ANKS1A: variants seen among roughly 807,000 people sequenced by gnomAD.
ANKS1A encodes ankyrin repeat and SAM domain-containing protein 1A.
ANKS1A carries 55 observed loss-of-function variants against 120.3 expected under a neutral mutation model. The ratio of observed to expected loss-of-function variants is 0.46; its 90% CI spans 0.37 to 0.57. The LOEUF is 0.57. ANKS1A is among the 20% of genes least tolerant of loss of function. The pLI is 0.00. For missense variants in ANKS1A, 1,123 were observed against 1,480.3 expected (o/e 0.76, Z 3.96); for synonymous variants, 590 against 604.7 (o/e 0.98, Z 0.36).
Position 35,090,399 on chromosome 6 carries a change from G to A in ANKS1A, c.*1790G>A, listed in dbSNP as rs953776645. Reference sequence around the variant, plus strand: ...GGCCACATCCAAGTGGGCCTCTGTCGGGGGCGGGGCGGTAGGTCCGAAAGA... The same window carrying A: ...GGCCACATCCAAGTGGGCCTCTGTCAGGGGCGGGGCGGTAGGTCCGAAAGA... On this transcript the variant is annotated 3_prime_UTR_variant, in exon 24 of 24. Transcript: ENST00000360359. 2.1e-5 allele frequency: 25 copies of A among 1,199,380 alleles called. No individual in the cohort carries two copies. Among genetic ancestry groups the A allele is most frequent in the Non-Finnish European group, 2.6e-5 (25 of 952,570 alleles). The allele number at this position is 1,199,380 out of a possible 1,614,324, so 74.3% of individuals were successfully genotyped here. A position where few individuals can be genotyped will look rare whatever the true frequency, so the allele number is the denominator to read the frequency against.
intron 11 of ANKS1A, among the ~76,000 whole-genome samples, chr6:35,032,754 A>G (rs1011928568): frequency 2.6e-5 from 4 of 152,098 alleles, no homozygotes; most frequent in African/African-American, 7.2e-5. Flanking sequence ...TTCTTTCTCT[A>G]ATAATAAGGT....
intron 12 of ANKS1A, among the ~76,000 whole-genome samples, chr6:35,056,069 C>G (rs1406334021): frequency 1.3e-5 from 2 of 152,210 alleles, no homozygotes; most frequent in African/African-American, 2.4e-5. Context: ...AGGATGGTTT[C>G]TGCTTTCTGT....
In ANKS1A at chr6:34,889,571, T is replaced by G. The variant is rs756174660; in HGVS notation, c.169T>G (p.Ser57Ala). 1.6e-6 allele frequency: 2 copies of G among 1,289,462 alleles called. No individual in the cohort carries two copies. Among genetic ancestry groups the G allele is most frequent in the Admixed American group, 7.0e-5 (2 of 28,396 alleles). The allele number at this position is 1,289,462 out of a possible 1,614,324, so 79.9% of individuals were successfully genotyped here. The change falls in exon 1 of 24, where the codon TCC becomes GCC. Residue 57 changes from serine (S) to alanine (A), a missense_variant. By Grantham distance (99) the Ser-to-Ala change is moderately conservative. Coordinates refer to ENST00000360359, the MANE Select transcript of ANKS1A (RefSeq NM_015245.3). The surrounding 1 kb of genome is among the most constrained non-coding windows in gnomAD (Gnocchi z 5.5). ...SGGGGGGLGS[S>A]SHPLSSLLSM... ...CGGCGGCGGCGGCGGCCTCGGCTCT[T>G]CCAGCCACCCCCTCTCCAGTCTGCT...
chr6:35,080,182 C>T (rs1399808692), intron 16 of ANKS1A, among the ~76,000 whole-genome samples: 2 of 152,114 alleles, frequency 1.3e-5, no homozygotes, highest in Non-Finnish European at 2.9e-5. Context: ...TTGAACTCAG[C>T]TCTGTGCCTG....
chr6:35,018,210 A>C, intron 11 of ANKS1A, 151 bp downstream of exon 11: 2 of 790,980 alleles, frequency 2.5e-6, no homozygotes, highest in Non-Finnish European at 2.0e-6. Flanking sequence ...TGACAATCGT[A>C]AGAAGAGGCG....
At chr6:34,905,239 A>G (rs570105047) in intron 1 of ANKS1A, among the ~76,000 whole-genome samples, 24 of 152,328 alleles carry the variant, frequency 1.6e-4, no homozygotes, top group Admixed American at 1.3e-3. Context: ...TTACCACATC[A>G]TGCTCACCAC....
At chr6:34,925,160 GT>G (rs1031194040) in intron 1 of ANKS1A, among the ~76,000 whole-genome samples, 4 of 152,040 alleles carry the variant, frequency 2.6e-5, no homozygotes, top group African/African-American at 9.7e-5. Context: ...TTAACATCTT[GT>G]TTTTTTAGGT....
At chr6:34,912,116 G>A (rs889561868) in intron 1 of ANKS1A, among the ~76,000 whole-genome samples, 6 of 152,188 alleles carry the variant, frequency 3.9e-5, no homozygotes, top group African/African-American at 9.7e-5. Context: ...GAAATCAAAC[G>A]CTCATAATCT....
intron 1 of ANKS1A, among the ~76,000 whole-genome samples, chr6:34,908,817 G>A (rs1767765656): frequency 6.6e-6 from 1 of 152,008 alleles, no homozygotes; most frequent in Non-Finnish European, 1.5e-5. Context: ...ATGCAGACAT[G>A]CTTTTTGACT....
intron 3 of ANKS1A, among the ~76,000 whole-genome samples, chr6:34,977,766 T>C (rs1265929353): frequency 6.6e-6 from 1 of 152,138 alleles, no homozygotes; most frequent in Admixed American, 6.6e-5. Flanking sequence ...AGACCTAGTT[T>C]TTCCTTTCTT....
rs77749012 is a variant in ANKS1A at position 35,080,006 on chromosome 6, C to T, written c.2544+78C>T. On this transcript the variant is annotated intron_variant, in intron 16 of 23. Transcript: ENST00000360359. The stretch of plus-strand genomic sequence containing the variant: ...GAATTACATAGAATTCTTTAGGATT[C>T]TTCAGAGACCACTGTAGTGTAGGAG... 2,409 of 1,460,660 alleles carry T rather than the reference C, an allele frequency of 1.6e-3. 1 individual carries two copies. The highest frequency in any genetic ancestry group is 2.0e-3 in the Non-Finnish European group (2,093 of 1,066,732). The allele number at this position is 1,460,660 out of a possible 1,614,324, so 90.5% of individuals were successfully genotyped here. A position where few individuals can be genotyped will look rare whatever the true frequency, so the allele number is the denominator to read the frequency against.
chr6:34,967,522 CA>C (rs10559753), intron 2 of ANKS1A, among the ~76,000 whole-genome samples: 11,983 of 96,618 alleles, frequency 0.12, 1,086 homozygotes, highest in African/African-American at 0.26. Flanking sequence ...TCCATCTCCA[CA>C]AAAAAAAAAA....
intron 11 of ANKS1A, among the ~76,000 whole-genome samples, chr6:35,043,424 C>G (rs1775561952): frequency 6.6e-6 from 1 of 152,202 alleles, no homozygotes; most frequent in South Asian, 2.1e-4. Context: ...GGTGGTTTAC[C>G]AGCCTGCAGG....
chr6:34,991,655 TATAC>T (rs1488921288), intron 9 of ANKS1A, among the ~76,000 whole-genome samples: 3 of 114,960 alleles, frequency 2.6e-5, no homozygotes, highest in African/African-American at 7.9e-5. Flanking sequence ...CACACATATA[TATAC>T]ACATATATAT....
In ANKS1A at chr6:34,889,646, C is replaced by T; in HGVS notation, c.197+47C>T. On this transcript the variant is annotated intron_variant, in intron 1 of 23. Transcript: ENST00000360359. The surrounding 1 kb of genome is among the most constrained non-coding windows in gnomAD (Gnocchi z 5.5). ...GCCGCTGCCTGCAGACCCTTTCTCC[C>T]CCACCCGTCTCTTGGGTCCCCAGAG... is the stretch of plus-strand genomic sequence containing the variant. 7.9e-7 allele frequency: 1 copy of T among 1,262,296 alleles called. No homozygotes were observed. The highest frequency in any genetic ancestry group is 9.9e-7 in the Non-Finnish European group (1 of 1,005,226). The allele number at this position is 1,262,296 out of a possible 1,614,324, so 78.2% of individuals were successfully genotyped here.
At chr6:34,937,654 G>T (rs533057310) in intron 1 of ANKS1A, among the ~76,000 whole-genome samples, 1 of 152,162 alleles carries the variant, frequency 6.6e-6, no homozygotes, top group East Asian at 1.9e-4. Flanking sequence ...GAATCAATGG[G>T]GTATAAAGGA....
intron 1 of ANKS1A, among the ~76,000 whole-genome samples, chr6:34,910,285 G>A (rs959740601): frequency 7.9e-5 from 12 of 152,172 alleles, no homozygotes; most frequent in African/African-American, 2.4e-4. Context: ...TATTACAGGC[G>A]GGTCACAGTG....
At chr6:35,068,869 GA>G (rs761392614) in intron 13 of ANKS1A, among the ~76,000 whole-genome samples, 70 of 152,340 alleles carry the variant, frequency 4.6e-4, no homozygotes, top group Non-Finnish European at 7.8e-4. Flanking sequence ...AAGGAGGGTG[GA>G]GGGGGCTGCC....
At chr6:34,899,727 T>C (rs905385106) in intron 1 of ANKS1A, among the ~76,000 whole-genome samples, 5 of 152,252 alleles carry the variant, frequency 3.3e-5, no homozygotes, top group African/African-American at 1.2e-4. Context: ...TTTAACTCTT[T>C]GCTGTACCTG....
Sources: allele counts gnomAD v4.1 joint callset (sites outside exome capture counted in the v4.1 genomes callset), GRCh38; gene constraint gnomAD v4.1.1; non-coding constraint Gnocchi (gnomAD v3.1); transcripts MANE v1.5; gene names NCBI Gene and HGNC (gene_info 2026-07-23, HGNC 2026-07-21).